The following STXBP5 variants were observed in gnomAD, a reference collection of about 807,000 sequenced individuals.
STXBP5 encodes syntaxin-binding protein 5.
In STXBP5, 50 loss-of-function variants were observed where a neutral mutation model predicts 152.4. That is an observed-to-expected ratio of 0.33 (90% confidence interval 0.26 to 0.42). The LOEUF is 0.42. Among genes scored for constraint, STXBP5 ranks in the 10% least tolerant of loss-of-function variants. STXBP5 has a pLI of 1.00. For synonymous variants in STXBP5, 492 were observed against 494.7 expected (o/e 0.99, Z 0.07); for missense variants, 1,167 against 1,388.6 (o/e 0.84, Z 2.54).
At chr6:147,334,592 G>A (rs1346389161) in intron 19 of STXBP5, among the ~76,000 whole-genome samples, 1 of 152,098 alleles carries the variant, frequency 6.6e-6, no homozygotes, top group Non-Finnish European at 1.5e-5. Context: ...AATCATGAGT[G>A]TAGACAATTA....
chr6:147,276,385 G>A (rs1562456389), intron 7 of STXBP5, among the ~76,000 whole-genome samples: 1 of 151,906 alleles, frequency 6.6e-6, no homozygotes, highest in Non-Finnish European at 1.5e-5. Context: ...CCAGTAATTA[G>A]GTAGTATTTG....
intron 17 of STXBP5, among the ~76,000 whole-genome samples, chr6:147,325,618 A>G (rs1045971044): frequency 1.3e-5 from 2 of 152,208 alleles, no homozygotes; most frequent in African/African-American, 2.4e-5. Context: ...TTTTATTACA[A>G]TATGATAGAC....
chr6:147,215,191 C>T (rs754387424), intron 2 of STXBP5, among the ~76,000 whole-genome samples: 2 of 152,174 alleles, frequency 1.3e-5, no homozygotes, highest in African/African-American at 2.4e-5. Context: ...CTGGATTTGG[C>T]CCACAGGCCA....
rs367562793 is a variant in STXBP5 at position 147,358,341 on chromosome 6, C to G, written c.2306-743C>G. Among the ~76,000 whole-genome samples, 5 of 152,092 alleles carry G rather than the reference C, an allele frequency of 3.3e-5. No homozygotes were observed. The South Asian group carries it at 1.0e-3, about 32-fold the overall frequency. On this transcript the variant is annotated intron_variant, in intron 22 of 27. Transcript: ENST00000321680. ...CTCTACCAGTCATGGATTGTATTAC[C>G]AAAGGAAGGCACAGTACCATGAGAA... is the stretch of plus-strand genomic sequence containing the variant.
At chr6:147,289,961 G>T (rs1781196961) in intron 8 of STXBP5, among the ~76,000 whole-genome samples, 1 of 152,200 alleles carries the variant, frequency 6.6e-6, no homozygotes. Context: ...AGCACTTCAG[G>T]AGACTGCGGC....
intron 16 of STXBP5, 89 bp from the exon 17 acceptor site, chr6:147,324,870 T>A (rs903864135): frequency 8.8e-7 from 1 of 1,134,788 alleles, no homozygotes; most frequent in African/African-American, 1.6e-5. Flanking sequence ...TTTAAGTATC[T>A]AGTATCGTTT....
chr6:147,289,549 A>G (rs1562464860), intron 8 of STXBP5, among the ~76,000 whole-genome samples: 1 of 152,168 alleles, frequency 6.6e-6, no homozygotes, highest in Non-Finnish European at 1.5e-5. Context: ...TATTTGCAAC[A>G]TACATGATTG....
intron 2 of STXBP5, among the ~76,000 whole-genome samples, chr6:147,229,834 A>C (rs60969570): frequency 6.6e-6 from 1 of 151,466 alleles, no homozygotes; most frequent in Admixed American, 6.6e-5. Flanking sequence ...TTTTCTTTCT[A>C]TTCTGAACAC....
intron 2 of STXBP5, among the ~76,000 whole-genome samples, chr6:147,207,512 T>A (rs1359416592): frequency 6.6e-6 from 1 of 152,178 alleles, no homozygotes; most frequent in Non-Finnish European, 1.5e-5. Context: ...TAGATATTTT[T>A]ATTCCTGAAC....
intron 2 of STXBP5, among the ~76,000 whole-genome samples, chr6:147,213,469 T>C (rs1442299179): frequency 2.5e-4 from 30 of 121,964 alleles, no homozygotes; most frequent in African/African-American, 6.9e-4. Flanking sequence ...TGTGTGTGTG[T>C]GTGTGTGTGC....
At chr6:147,277,290 T>C (rs1780489831) in intron 7 of STXBP5, among the ~76,000 whole-genome samples, 1 of 152,136 alleles carries the variant, frequency 6.6e-6, no homozygotes, top group Admixed American at 6.5e-5. Context: ...ATTTTTGTGC[T>C]ATACTCTGCA....
chr6:147,272,066 A>G (rs1324655960), intron 7 of STXBP5, among the ~76,000 whole-genome samples: 1 of 152,178 alleles, frequency 6.6e-6, no homozygotes, highest in African/African-American at 2.4e-5. Flanking sequence ...ACCGACGCTC[A>G]CTCTGAAAGA....
At chr6:147,268,245 T>G (rs899480173) in intron 7 of STXBP5, among the ~76,000 whole-genome samples, 2 of 152,194 alleles carry the variant, frequency 1.3e-5, no homozygotes, top group Non-Finnish European at 2.9e-5. Flanking sequence ...TGAATCAAAT[T>G]TAGAATAAGG....
At chr6:147,384,210 CA>C (rs1651795317) in intron 27 of STXBP5, among the ~76,000 whole-genome samples, 1 of 152,080 alleles carries the variant, frequency 6.6e-6, no homozygotes, top group Non-Finnish European at 1.5e-5. Context: ...TTCACTACTG[CA>C]TTACCTTGGG....
At chr6:147,360,830 T>G (rs2128412382) in intron 23 of STXBP5, among the ~76,000 whole-genome samples, 1 of 152,302 alleles carries the variant, frequency 6.6e-6, no homozygotes, top group South Asian at 2.1e-4. Flanking sequence ...CTGTTACTAC[T>G]CATTTATGCC....
chr6:147,357,102 T>G (rs535364064), intron 22 of STXBP5, among the ~76,000 whole-genome samples: 1 of 152,174 alleles, frequency 6.6e-6, no homozygotes, highest in African/African-American at 2.4e-5. Flanking sequence ...GAGTGAGGCA[T>G]GAGAAAAGTC....
chr6:147,329,786 C>T (rs941155269), intron 18 of STXBP5, among the ~76,000 whole-genome samples: 4 of 151,858 alleles, frequency 2.6e-5, no homozygotes, highest in South Asian at 2.1e-4. Flanking sequence ...CTACCGCACC[C>T]GGCTAATTTT....
In STXBP5 at chr6:147,281,801, G is replaced by T. The variant is rs942478379; in HGVS notation, c.838+3597G>T. On this transcript the variant is annotated intron_variant, in intron 8 of 27. Transcript: ENST00000321680. ...TATCCTTGAAGAATCTGTTCAGAAG[G>T]TATTATGTTGCATTTATATAACATG... Among the ~76,000 whole-genome samples, 5 of 152,300 alleles carry T rather than the reference G, an allele frequency of 3.3e-5. No individual in the cohort carries two copies. The East Asian group carries it at 7.7e-4, about 24-fold the overall frequency.
chr6:147,346,125 G>C (rs1179254964), intron 21 of STXBP5, among the ~76,000 whole-genome samples: 1 of 152,176 alleles, frequency 6.6e-6, no homozygotes, highest in Non-Finnish European at 1.5e-5. Context: ...TCAGTTTGAA[G>C]GTCACAATAG....
Sources: gnomAD v4.1 joint callset for allele counts (sites outside exome capture counted in the v4.1 genomes callset) on GRCh38, gnomAD v4.1.1 for gene constraint, MANE v1.5 for transcripts, NCBI Gene and HGNC (gene_info 2026-07-23, HGNC 2026-07-21) for gene names.